The following ARNT variants were observed in gnomAD, a reference collection of about 807,000 sequenced individuals.
The protein encoded by ARNT is aryl hydrocarbon receptor nuclear translocator.
Under a neutral mutation model 105.0 loss-of-function variants are expected in ARNT, and 30 were observed. The ratio of observed to expected loss-of-function variants is 0.29; its 90% CI spans 0.21 to 0.39. The LOEUF (loss-of-function observed/expected upper bound fraction) is 0.39, where lower values mean the gene tolerates loss of function less well. Ranked by LOEUF, ARNT falls within the 10% of genes least tolerant of loss-of-function variation. ARNT has a pLI of 1.00. For synonymous variants in ARNT, 304 were observed against 344.0 expected (o/e 0.88, Z 1.29); for missense variants, 748 against 978.7 (o/e 0.76, Z 3.15).
chr1:150,814,446 A>G (rs1655407367), intron 19 of ARNT, among the ~76,000 whole-genome samples: 1 of 152,214 alleles, frequency 6.6e-6, no homozygotes, highest in African/African-American at 2.4e-5. Flanking sequence ...CAAAAAAGCA[A>G]TGAACTATGG....
At chr1:150,841,201 C>T (rs955289469) in intron 5 of ARNT, among the ~76,000 whole-genome samples, 23 of 151,370 alleles carry the variant, frequency 1.5e-4, no homozygotes, top group African/African-American at 4.1e-4. Flanking sequence ...CTGCCTGCCT[C>T]GGCCTCCCAA....
At chr1:150,830,794 A>G (rs1208508400) in intron 10 of ARNT, among the ~76,000 whole-genome samples, 1 of 152,206 alleles carries the variant, frequency 6.6e-6, no homozygotes, top group East Asian at 1.9e-4. Context: ...TGTTTTTTGC[A>G]TAGTTATACT....
intron 1 of ARNT, among the ~76,000 whole-genome samples, chr1:150,864,966 G>A (rs930457555): frequency 1.3e-5 from 2 of 148,756 alleles, no homozygotes; most frequent in East Asian, 1.9e-4. Flanking sequence ...TGAATGCCAC[G>A]ATGAAACACC....
At chr1:150,818,079 G>C (rs1656316918) in intron 14 of ARNT, 49 bp from the exon 15 acceptor site, 3 of 1,234,616 alleles carry the variant, frequency 2.4e-6, no homozygotes, top group Non-Finnish European at 2.3e-6. Context: ...GGGAGGAAGG[G>C]GGGAGAGAGA....
At chr1:150,863,750 G>A (rs1187919088) in intron 1 of ARNT, among the ~76,000 whole-genome samples, 1 of 151,770 alleles carries the variant, frequency 6.6e-6, no homozygotes, top group African/African-American at 2.4e-5. Context: ...CCAGGAGGCA[G>A]AGGTTGCAGT....
intron 19 of ARNT, among the ~76,000 whole-genome samples, chr1:150,815,112 T>C (rs1655550890): frequency 6.6e-6 from 1 of 152,182 alleles, no homozygotes; most frequent in South Asian, 2.1e-4. Context: ...TGAGATCGTA[T>C]TGCATATAAC....
intron 3 of ARNT, among the ~76,000 whole-genome samples, chr1:150,849,268 AT>A (rs201311936): frequency 5.0e-4 from 75 of 150,842 alleles, no homozygotes; most frequent in African/African-American, 1.8e-3. Flanking sequence ...CAATCAAATC[AT>A]TTTTTTTTCA....
At chr1:150,826,023 C>T (rs1225230422) in intron 13 of ARNT, among the ~76,000 whole-genome samples, 4 of 151,878 alleles carry the variant, frequency 2.6e-5, no homozygotes, top group Non-Finnish European at 5.9e-5. Flanking sequence ...AAGTGATTCT[C>T]GTGCCTCAGC....
At chr1:150,816,067 G>A (rs181136591) in intron 19 of ARNT, among the ~76,000 whole-genome samples, 192 bp downstream of exon 19, 317 of 152,156 alleles carry the variant, frequency 2.1e-3, no homozygotes, top group Non-Finnish European at 3.6e-3. Flanking sequence ...GAAAACCACA[G>A]ACTCTACTGA....
At chr1:150,854,822 A>C (rs1174915104) in intron 2 of ARNT, among the ~76,000 whole-genome samples, 1 of 144,380 alleles carries the variant, frequency 6.9e-6, no homozygotes, top group Admixed American at 7.4e-5. Flanking sequence ...GCGCCACTGC[A>C]CTCCAGCCTA....
chr1:150,856,578 C>T lies in ARNT; in HGVS notation c.137+1771G>A, dbSNP rs189017402. Among the ~76,000 whole-genome samples the T allele has an allele frequency of 3.3e-3, 503 of 151,704 alleles. 2 individuals carry two copies. Among genetic ancestry groups the T allele is most frequent in the African/African-American group, 0.012 (479 of 41,336 alleles). ...AGGAGTTCGAGACCAGCCTGGCCAA[C>T]GTGGTGAAATCCCATCTCTACTAAA... On this transcript the variant is annotated intron_variant, in intron 2 of 21. Transcript: ENST00000358595.
chr1:150,823,214 G>C lies in ARNT; in HGVS notation c.1374C>G (p.Ile458Met). 1 of 1,612,320 alleles carries C rather than the reference G, an allele frequency of 6.2e-7. No individual in the cohort carries two copies. The highest frequency in any genetic ancestry group is 1.3e-5 in the African/African-American group (1 of 75,016). ...CATACTTCACATTGGTGTTGGTACA[G>C]ATGATGTACTCAATTTCATCTGAGT... The part of the protein sequence containing the change: ...NPYSDEIEYI[I>M]CTNTNVKNSS... Residue 458 changes from isoleucine (I) to methionine (M), a missense_variant, in exon 14 of 22, where the codon ATC (isoleucine) becomes ATG (methionine). Transcript: ENST00000358595.
intron 1 of ARNT, among the ~76,000 whole-genome samples, chr1:150,874,840 C>T (rs958604204): frequency 2.0e-5 from 3 of 152,144 alleles, no homozygotes; most frequent in Non-Finnish European, 4.4e-5. Context: ...ATTCTGCACA[C>T]ACACATACAC....
At chr1:150,825,665 G>T (rs1321579544) in intron 13 of ARNT, among the ~76,000 whole-genome samples, 1 of 151,842 alleles carries the variant, frequency 6.6e-6, no homozygotes, top group Non-Finnish European at 1.5e-5. Context: ...CCTGGCCAAC[G>T]TGGTGAAACC....
At chr1:150,829,025 C>T in intron 12 of ARNT, 68 bp downstream of exon 12, 1 of 1,570,052 alleles carries the variant, frequency 6.4e-7, no homozygotes, top group Non-Finnish European at 8.7e-7. Context: ...GTCTTAGGAA[C>T]TACATGATTA....
Position 150,823,215 on chromosome 1 carries a change from A to G in ARNT, c.1373T>C (p.Ile458Thr). 2.5e-6 allele frequency: 4 copies of G among 1,612,604 alleles called. No individual in the cohort carries two copies. The highest frequency in any genetic ancestry group is 3.4e-6 in the Non-Finnish European group (4 of 1,179,058). ...NPYSDEIEYI[I>T]CTNTNVKNSS... ...ATACTTCACATTGGTGTTGGTACAG[A>G]TGATGTACTCAATTTCATCTGAGTA... Residue 458 changes from isoleucine to threonine, a missense_variant, in exon 14 of 22, where the codon ATC becomes ACC. Transcript: ENST00000358595.
chr1:150,851,177 C>A (rs1242702909), intron 3 of ARNT, among the ~76,000 whole-genome samples: 1 of 150,346 alleles, frequency 6.7e-6, no homozygotes, highest in Non-Finnish European at 1.5e-5. Flanking sequence ...TGGCCAGCCA[C>A]CCCGTCCAGG....
intron 2 of ARNT, among the ~76,000 whole-genome samples, chr1:150,854,084 C>G (rs1664107128): frequency 6.6e-6 from 1 of 152,088 alleles, no homozygotes; most frequent in Admixed American, 6.6e-5. Flanking sequence ...CTCTCTATCT[C>G]TTCCTTTCTT....
At chr1:150,853,357 G>A (rs1265927653) in intron 2 of ARNT, 1 of 260,722 alleles carries the variant, frequency 3.8e-6, no homozygotes, top group Non-Finnish European at 7.9e-6. Flanking sequence ...TAGAGTAGCA[G>A]TCAATCTTTG....
Sources: allele counts gnomAD v4.1 joint callset (sites outside exome capture counted in the v4.1 genomes callset), GRCh38; gene constraint gnomAD v4.1.1; transcripts MANE v1.5; gene names NCBI Gene and HGNC (gene_info 2026-07-23, HGNC 2026-07-21).